The following FLNA variants were observed in gnomAD, a reference collection of about 807,000 sequenced individuals.
FLNA encodes the protein filamin-A.
Under a neutral mutation model 157.6 loss-of-function variants are expected in FLNA, and 7 were observed. That is an observed-to-expected ratio of 0.04 (90% CI 0.03 to 0.08). The LOEUF is 0.08. Ranked by LOEUF, FLNA falls within the 10% of genes least tolerant of loss-of-function variation. The probability of loss-of-function intolerance (pLI) is 1.00; values close to 1 mark genes in which losing one functional copy is unlikely to be tolerated. For synonymous variants in FLNA, 1,103 were observed against 1,060.8 expected (o/e 1.04, Z -0.77); for missense variants, 1,750 against 2,398.4 (o/e 0.73, Z 5.65).
intron 28 of FLNA, 90 bp downstream of exon 28, chrX:154,358,109 C>G: frequency 9.7e-7 from 1 of 1,031,898 alleles, no homozygotes; most frequent in Non-Finnish European, 1.4e-6. Context: ...CTTGGTGCAG[C>G]TCCGCAGGGA....
rs782523602 is a variant in FLNA at position 154,354,059 on chromosome X, G to T, written c.5558-16C>A. ...AAGGGGCTTCCTGAGGCAGGAAGAA[G>T]GGCCTTGTGGAATGGCAGCCTCGTG... is the stretch of plus-strand genomic sequence containing the variant. On this transcript the variant is annotated splice_polypyrimidine_tract_variant and intron_variant, in intron 34 of 47. Coordinates refer to ENST00000369850, the MANE Select transcript of FLNA (RefSeq NM_001110556.2). 1 of 1,212,038 alleles carries T rather than the reference G, an allele frequency of 8.3e-7. No individual in the cohort carries two copies. Among genetic ancestry groups the T allele is most frequent in the Admixed American group, 2.2e-5 (1 of 46,150 alleles).
intron 45 of FLNA, 69 bp from the exon 46 acceptor site, chrX:154,349,936 C>G: frequency 8.5e-7 from 1 of 1,181,535 alleles, no homozygotes; most frequent in Non-Finnish European, 1.2e-6. Flanking sequence ...CCAGCACAGG[C>G]TTGTCACCTC....
At position 154,370,901 on chromosome X, in the gene FLNA, G is replaced by A. The variant is rs1603363881; in HGVS notation, c.345C>T (p.Asp115=). 1 of 1,210,626 alleles carries A rather than the reference G, an allele frequency of 8.3e-7. No individual in the cohort carries two copies. ...TGGACACCAGTTTGATGCTCTCGCG[G>A]TCCAGGAACTCGAGCGCCACCGACA... The part of the protein sequence containing the change: ...ENVSVALEFL[D]RESIKLVSID... Residue 115 remains aspartate, a synonymous_variant, in exon 2 of 48, where the codon GAC becomes GAT. Coordinates refer to ENST00000369850, the MANE Select transcript of FLNA (RefSeq NM_001110556.2).
intron 9 of FLNA, 38 bp from the exon 10 acceptor site, chrX:154,365,524 G>A: frequency 8.3e-7 from 1 of 1,202,767 alleles, no homozygotes; most frequent in Non-Finnish European, 1.1e-6. Context: ...CAGCAGCTCG[G>A]CTGGGCGACC....
At chrX:154,350,628 T>C in intron 44 of FLNA, 1 of 391,238 alleles carries the variant, frequency 2.6e-6, no homozygotes, top group Non-Finnish European at 4.5e-6. Context: ...ACAAGTACCA[T>C]GGCCGTGGCT....
At chrX:154,349,978 A>G in intron 45 of FLNA, 53 bp downstream of exon 45, 1 of 1,196,322 alleles carries the variant, frequency 8.4e-7, no homozygotes, top group Non-Finnish European at 1.1e-6. Context: ...AAGAGCTTGG[A>G]GGCAAGGGCC....
chrX:154,366,761 C>T lies in FLNA; in HGVS notation c.958G>A (p.Val320Met), dbSNP rs781889196. The part of the protein sequence containing the change: ...SAGQGEVLVY[V>M]EDPAGHQEEA... ...TCCTGGTGTCCGGCCGGGTCCTCCA[C>T]GTACACCAGCACCTCTCCCTGGCCA... Residue 320 changes from valine to methionine, a missense_variant, in exon 6 of 48, where the codon GTG (valine) becomes ATG (methionine). Val to Met is a conservative substitution (Grantham distance 21). Around this residue, in one of 5 missense-constraint regions of FLNA, gnomAD observed 648 missense variants for 805.8 expected, o/e 0.80. Coordinates refer to ENST00000369850, the MANE Select transcript of FLNA (RefSeq NM_001110556.2). 7.2e-5 allele frequency: 87 copies of T among 1,209,869 alleles called. No homozygotes were observed. Among genetic ancestry groups the T allele is most frequent in the Middle Eastern group, 4.6e-4 (2 of 4,373 alleles).
Position 154,348,643 on chromosome X carries a change from C to A in FLNA, c.*206G>T, listed in dbSNP as rs782715293. On this transcript the variant is annotated 3_prime_UTR_variant, in exon 48 of 48. Coordinates refer to ENST00000369850, the MANE Select transcript of FLNA (RefSeq NM_001110556.2). ...GAACCAAAGAAGACAAGCAGCGCCACCAAATGGCTCCCTCTGCCCAAGTGA... is the reference window on the plus strand; with the variant it reads ...GAACCAAAGAAGACAAGCAGCGCCAACAAATGGCTCCCTCTGCCCAAGTGA... The A allele has an allele frequency of 1.3e-4, 50 of 399,178 alleles. No individual in the cohort carries two copies. The highest frequency in any genetic ancestry group is 1.2e-3 in the African/African-American group (46 of 38,414). The allele number at this position is 399,178 out of a possible 1,213,427, so 32.9% of individuals were successfully genotyped here. A position where few individuals can be genotyped will look rare whatever the true frequency, so the allele number is the denominator to read the frequency against.
In FLNA at chrX:154,361,195, GA is replaced by G. The variant is rs34190826; in HGVS notation, c.3207+112del. ...GGTCAAGGTTGACAGTCTGTCTCAG[GA>G]AAAAAAAAAAAAAAAAAGGATTTAG... is the stretch of plus-strand genomic sequence containing the variant. On this transcript the variant is annotated intron_variant, in intron 21 of 47. Coordinates refer to ENST00000369850, the MANE Select transcript of FLNA (RefSeq NM_001110556.2). 87,796 of 477,320 alleles carry G rather than the reference GA, an allele frequency of 0.18. 98 individuals are homozygous for G. The highest frequency in any genetic ancestry group is 0.21 in the East Asian group (4,214 of 20,105). The allele number at this position is 477,320 out of a possible 1,213,427, so 39.3% of individuals were successfully genotyped here. A position where few individuals can be genotyped will look rare whatever the true frequency, so the allele number is the denominator to read the frequency against.
rs1557178235 is a variant in FLNA, at chrX:154,362,437, A to G, written c.2546T>C (p.Met849Thr). 1 of 1,211,879 alleles carries G rather than the reference A, an allele frequency of 8.3e-7. No individual in the cohort carries two copies. The highest frequency in any genetic ancestry group is 1.1e-6 in the Non-Finnish European group (1 of 895,462). ...ACCCACCTGGTCAGCAAAGAGGACC[A>G]TAATGGTGTAGCTGCCAGCCCCCCG... ...TPRGAGSYTIMVLFADQATPT... is the reference protein window; with the variant it reads ...TPRGAGSYTITVLFADQATPT... Residue 849 changes from methionine to threonine, a missense_variant, in exon 17 of 48, where the codon ATG becomes ACG. Met to Thr is a moderately conservative substitution (Grantham distance 81, BLOSUM62 -1). This residue lies in a region of FLNA where 648 missense variants were observed against 805.8 expected (regional missense o/e 0.80). Transcript: ENST00000369850.
At chrX:154,369,635 G>A in intron 2 of FLNA, among the ~76,000 whole-genome samples, 1 of 111,518 alleles carries the variant, frequency 9.0e-6, no homozygotes, top group Non-Finnish European at 1.9e-5. Context: ...AGCTCACAAG[G>A]AGGAGGGGAG....
chrX:154,353,946 G>C lies in FLNA; in HGVS notation c.5655C>G (p.Thr1885=). The change falls in exon 35 of 48, where the codon ACC becomes ACG. Residue 1885 remains threonine, a synonymous_variant. Transcript: ENST00000369850. ...LTHGVVNKPA[T]FTVNTKDAGE... ...CTGCATCCTTGGTGTTGACGGTGAA[G>C]GTGGCAGGCTTGTTCACTACTCCAT... 1.6e-6 allele frequency: 2 copies of C among 1,212,175 alleles called. No individual in the cohort carries two copies. Among genetic ancestry groups the C allele is most frequent in the Non-Finnish European group, 2.2e-6 (2 of 895,439 alleles).
intron 1 of FLNA, 111 bp downstream of exon 1, chrX:154,374,395 G>C (rs1557180947): frequency 8.9e-6 from 1 of 112,618 alleles, no homozygotes; most frequent in African/African-American, 3.2e-5. Flanking sequence ...ACCTGGGCGC[G>C]AGCTGGCGCC....
At chrX:154,357,063 A>G (rs1557176957) in intron 30 of FLNA, among the ~76,000 whole-genome samples, 188 bp downstream of exon 30, 4 of 112,056 alleles carry the variant, frequency 3.6e-5, no homozygotes, top group African/African-American at 1.3e-4. Context: ...TGGAGCGGTC[A>G]TGCTCAGCTC....
At chrX:154,355,137 G>C (rs1048673463) in intron 30 of FLNA, 65 bp from the exon 31 acceptor site, 1 of 1,123,200 alleles carries the variant, frequency 8.9e-7, no homozygotes, top group Non-Finnish European at 1.2e-6. Flanking sequence ...GGTTGTTCCC[G>C]TCCGCCTGCC....
rs781892155 is a variant in FLNA, at chrX:154,362,583, G to A, written c.2405-5C>T. ...TGATGCCGATGCTGACGTCCCCTGC[G>A]GCGGGGAGAGGAGCGGAGGCTGAGA... On this transcript the variant is annotated splice_region_variant and splice_polypyrimidine_tract_variant and intron_variant, in intron 16 of 47. Transcript: ENST00000369850. The A allele has an allele frequency of 1.1e-5, 13 of 1,210,617 alleles. No individual in the cohort carries two copies. In the Middle Eastern group the frequency reaches 6.9e-4, roughly 64 times the overall value.
In FLNA at chrX:154,352,284, A is replaced by C. The variant is rs1557175937; in HGVS notation, c.6666T>G (p.Pro2222=). The C allele has an allele frequency of 1.7e-6, 2 of 1,211,867 alleles. No individual in the cohort carries two copies. Among genetic ancestry groups the C allele is most frequent in the African/African-American group, 1.7e-5 (1 of 57,957 alleles). Residue 2222 remains proline, a synonymous_variant, in exon 41 of 48, where the codon CCT becomes CCG. Coordinates refer to ENST00000369850, the MANE Select transcript of FLNA (RefSeq NM_001110556.2). ...CCACGGTGAACTGGAAGGGGCTCCC[A>C]GGCACGTGCTGGCCCTTGTACTTCA... The part of the protein sequence containing the change: ...VSVKYKGQHV[P]GSPFQFTVGP...
rs782443232 is a variant in FLNA, at chrX:154,361,259, CAGAG to C, written c.3207+45_3207+48del. On this transcript the variant is annotated intron_variant, in intron 21 of 47. Transcript: ENST00000369850. ...GAAGATGGGGTACCTTTGGGGCCCT[CAGAG>C]AGCACAGTGGGTTCTACCCTTAGGG... 69 of 1,168,315 alleles carry C rather than the reference CAGAG, an allele frequency of 5.9e-5. No individual in the cohort carries two copies. The East Asian group carries it at 1.7e-3, about 29-fold the overall frequency.
At chrX:154,350,462 GAAA>G (rs1557175513) in intron 44 of FLNA, 51 of 429,729 alleles carry the variant, frequency 1.2e-4, no homozygotes, top group African/African-American at 1.2e-3. Context: ...TGCCTCCTAA[GAAA>G]GGTTACCGTG....
Sources: gnomAD v4.1 joint callset for allele counts (sites outside exome capture counted in the v4.1 genomes callset) on GRCh38, gnomAD v4.1.1 for gene constraint, gnomAD v4.1.1 regional missense constraint, MANE v1.5 for transcripts, NCBI Gene and HGNC (gene_info 2026-07-23, HGNC 2026-07-21) for gene names.